The following UNC5A variants were observed in gnomAD, a reference collection of about 807,000 sequenced individuals.
UNC5A encodes the protein unc-5 netrin receptor A, also known as netrin receptor UNC5A.
UNC5A carries 20 observed loss-of-function variants against 87.4 expected under a neutral mutation model. The ratio of observed to expected loss-of-function variants is 0.23; its 90% confidence interval spans 0.16 to 0.33. The LOEUF is 0.33. Among genes scored for constraint, UNC5A ranks in the 10% least tolerant of loss-of-function variants. The pLI is 1.00. For missense variants in UNC5A, 844 were observed against 1,133.4 expected (o/e 0.74, Z 3.67); for synonymous variants, 438 against 482.3 (o/e 0.91, Z 1.20).
chr5:176,821,414 G>A (rs1209943874), intron 1 of UNC5A, among the ~76,000 whole-genome samples: 1 of 152,114 alleles, frequency 6.6e-6, no homozygotes, highest in African/African-American at 2.4e-5. Flanking sequence ...GACCCACTTG[G>A]TCTCAAGACC....
At position 176,810,728 on chromosome 5, in the gene UNC5A, C is replaced by T; in HGVS notation, c.-23C>T. 1.8e-6 allele frequency: 2 copies of T among 1,085,198 alleles called. No homozygotes were observed. The highest frequency in any genetic ancestry group is 2.2e-6 in the Non-Finnish European group (2 of 889,028). 67.2% of individuals were successfully genotyped at this position (1,085,198 alleles called of 1,614,324 possible). A position where few individuals can be genotyped will look rare whatever the true frequency, so the allele number is the denominator to read the frequency against. On this transcript the variant is annotated 5_prime_UTR_variant, in exon 1 of 15. Coordinates refer to ENST00000329542, the MANE Select transcript of UNC5A (RefSeq NM_133369.3). This position sits in a 1 kb window ranked among gnomAD's most constrained non-coding sequence, Gnocchi z 7.3. ...CGCCCGCGGGGCCCCGCGCCCGGCCCGCCCGCCTGCCCGCCCGCGGCCATG... is the reference window on the plus strand; with the variant it reads ...CGCCCGCGGGGCCCCGCGCCCGGCCTGCCCGCCTGCCCGCCCGCGGCCATG...
chr5:176,820,110 A>C (rs1413514493), intron 1 of UNC5A, among the ~76,000 whole-genome samples: 1 of 140,210 alleles, frequency 7.1e-6, no homozygotes, highest in Non-Finnish European at 1.6e-5. Flanking sequence ...AAAATACAAA[A>C]TGTTGGGCCG....
At chr5:176,872,852 A>G (rs1319968526) in intron 6 of UNC5A, among the ~76,000 whole-genome samples, 1 of 82,680 alleles carries the variant, frequency 1.2e-5, no homozygotes, top group Non-Finnish European at 2.4e-5. Flanking sequence ...ATCTGCCCAC[A>G]CTCACCAACA....
chr5:176,815,077 C>G (rs73340027), intron 1 of UNC5A, among the ~76,000 whole-genome samples: 4,303 of 152,334 alleles, frequency 0.028, 194 homozygotes, highest in African/African-American at 0.094. Context: ...TTGTGGGCCA[C>G]TCACGCAAGT....
At chr5:176,849,926 A>G (rs1757502638) in intron 1 of UNC5A, among the ~76,000 whole-genome samples, 1 of 152,184 alleles carries the variant, frequency 6.6e-6, no homozygotes, top group East Asian at 1.9e-4. Flanking sequence ...CAACTCTGCC[A>G]CCATCACTGG....
chr5:176,876,168 G>T (rs1233971228), intron 8 of UNC5A, among the ~76,000 whole-genome samples: 1 of 152,226 alleles, frequency 6.6e-6, no homozygotes, highest in Non-Finnish European at 1.5e-5. Context: ...GATGAATGAG[G>T]ATGTAAGTGC....
intron 1 of UNC5A, among the ~76,000 whole-genome samples, chr5:176,829,790 G>A (rs572736857): frequency 1.3e-5 from 2 of 152,026 alleles, no homozygotes; most frequent in South Asian, 4.2e-4. Flanking sequence ...GGTGTGCCAG[G>A]CTTCTCTACA....
chr5:176,861,315 T>C (rs1757831856), intron 1 of UNC5A, among the ~76,000 whole-genome samples: 1 of 152,318 alleles, frequency 6.6e-6, no homozygotes, highest in Admixed American at 6.5e-5. Flanking sequence ...ACGCCCCATT[T>C]TGCAGGTGAG....
chr5:176,818,167 C>G (rs1756641062), intron 1 of UNC5A, among the ~76,000 whole-genome samples: 1 of 152,202 alleles, frequency 6.6e-6, no homozygotes. Context: ...GCTTCTCAGG[C>G]GATCTTGTGC....
At chr5:176,831,174 A>G (rs950564494) in intron 1 of UNC5A, among the ~76,000 whole-genome samples, 13 of 152,164 alleles carry the variant, frequency 8.5e-5, no homozygotes, top group African/African-American at 3.1e-4. Context: ...CAGAAGCAAC[A>G]TCAGAAAACA....
intron 3 of UNC5A, 44 bp from the exon 4 acceptor site, chr5:176,868,517 G>A: frequency 6.4e-7 from 1 of 1,555,868 alleles, no homozygotes; most frequent in Non-Finnish European, 8.7e-7. Context: ...GGCTGAGCCT[G>A]TGCGAGGCCC....
intron 1 of UNC5A, among the ~76,000 whole-genome samples, chr5:176,840,549 C>T (rs1460659400): frequency 1.3e-5 from 2 of 152,262 alleles, no homozygotes; most frequent in African/African-American, 4.8e-5. Context: ...AGAGAACCCT[C>T]ACCCTGTCTA....
chr5:176,878,044 C>T lies in UNC5A; in HGVS notation c.1786C>T (p.Leu596Phe). Reference protein sequence around the residue: ...SVAAAKRLKLLLFAPVACTSL... With the variant: ...SVAAAKRLKLFLFAPVACTSL... ...GGCTGCCGCCAAGCGCCTCAAGCTG[C>T]TTCTGTTTGCGCCGGTGGCCTGCAC... Residue 596 changes from leucine to phenylalanine, a missense_variant, in exon 11 of 15, where the codon CTT (leucine) becomes TTT (phenylalanine). This residue lies in a region of UNC5A where 353 missense variants were observed against 387.5 expected (regional missense o/e 0.91). Coordinates refer to ENST00000329542, the MANE Select transcript of UNC5A (RefSeq NM_133369.3). 6.2e-7 allele frequency: 1 copy of T among 1,609,496 alleles called. No individual in the cohort carries two copies.
chr5:176,856,344 C>T (rs1452733391), intron 1 of UNC5A, among the ~76,000 whole-genome samples: 1 of 152,188 alleles, frequency 6.6e-6, no homozygotes, highest in Non-Finnish European at 1.5e-5. Context: ...CTTCTCCTGC[C>T]CGCCACTCCG....
chr5:176,837,196 A>T (rs1247162005), intron 1 of UNC5A, among the ~76,000 whole-genome samples: 1 of 149,448 alleles, frequency 6.7e-6, no homozygotes, highest in Non-Finnish European at 1.5e-5. Context: ...CCCATACCTC[A>T]CTCTCACAGT....
At chr5:176,826,797 T>G (rs1263051382) in intron 1 of UNC5A, among the ~76,000 whole-genome samples, 2 of 151,738 alleles carry the variant, frequency 1.3e-5, no homozygotes, top group South Asian at 4.2e-4. Context: ...CCCGCCACCA[T>G]GCCCAGCTAT....
Position 176,824,647 on chromosome 5 carries a change from C to A in UNC5A, c.70+13827C>A, listed in dbSNP as rs192545080. Reference sequence around the variant, plus strand: ...AGCAAAAGATCTGGGCTGGGCCCAGCAAGCCCATTTTCCTGGGTGGCTGGG... The same window carrying A: ...AGCAAAAGATCTGGGCTGGGCCCAGAAAGCCCATTTTCCTGGGTGGCTGGG... On this transcript the variant is annotated intron_variant, in intron 1 of 14. Coordinates refer to ENST00000329542, the MANE Select transcript of UNC5A (RefSeq NM_133369.3). This position sits in a 1 kb window ranked among gnomAD's most constrained non-coding sequence, Gnocchi z 4.2. Among the ~76,000 whole-genome samples, 1 of 152,318 alleles carries A rather than the reference C, an allele frequency of 6.6e-6. No individual in the cohort carries two copies. Among genetic ancestry groups the A allele is most frequent in the African/African-American group, 2.4e-5 (1 of 41,582 alleles).
In UNC5A at chr5:176,873,998, A is replaced by G. The variant is rs1758194690; in HGVS notation, c.917A>G (p.Tyr306Cys). Reference sequence around the variant, plus strand: ...TCTGGCCCTGAGGACGTGGCCCTCTATGTGGGCCTCATCGCCGTGGCCGTC... The same window carrying G: ...TCTGGCCCTGAGGACGTGGCCCTCTGTGTGGGCCTCATCGCCGTGGCCGTC... ...TASGPEDVALYVGLIAVAVCL... is the reference protein window; with the variant it reads ...TASGPEDVALCVGLIAVAVCL... Residue 306 changes from tyrosine to cysteine, a missense_variant, in exon 7 of 15, where the codon TAT becomes TGT. Tyr to Cys is a radical substitution (Grantham distance 194). Around this residue, in one of 3 missense-constraint regions of UNC5A, gnomAD observed 314 missense variants for 466.5 expected, o/e 0.67. Coordinates refer to ENST00000329542, the MANE Select transcript of UNC5A (RefSeq NM_133369.3). The G allele has an allele frequency of 6.2e-7, 1 of 1,613,778 alleles. No homozygotes were observed. The highest frequency in any genetic ancestry group is 8.5e-7 in the Non-Finnish European group (1 of 1,179,918).
intron 1 of UNC5A, among the ~76,000 whole-genome samples, chr5:176,835,484 T>A (rs958098514): frequency 1.3e-5 from 2 of 152,238 alleles, no homozygotes; most frequent in Non-Finnish European, 2.9e-5. Context: ...TCCCAACAGT[T>A]CCAGATGCTC....
Sources: gnomAD v4.1 joint callset for allele counts (sites outside exome capture counted in the v4.1 genomes callset) on GRCh38, gnomAD v4.1.1 for gene constraint, gnomAD v4.1.1 regional missense constraint, Gnocchi (gnomAD v3.1) non-coding constraint, MANE v1.5 for transcripts, NCBI Gene and HGNC (gene_info 2026-07-23, HGNC 2026-07-21) for gene names.